TMEM178B: variants seen among roughly 807,000 people sequenced by gnomAD.
TMEM178B encodes transmembrane protein 178B.
In TMEM178B, 5 loss-of-function variants were observed where a neutral mutation model predicts 31.0. The observed-to-expected ratio is 0.16, with a 90% CI of 0.08 to 0.34. The LOEUF is 0.34. Among genes scored for constraint, TMEM178B ranks in the 10% least tolerant of loss-of-function variants. The probability of loss-of-function intolerance (pLI) is 1.00; values close to 1 mark genes in which losing one functional copy is unlikely to be tolerated. For missense variants in TMEM178B, 275 were observed against 400.3 expected (o/e 0.69, Z 2.67); for synonymous variants, 164 against 164.0 (o/e 1.00, Z 0.00).
chr7:141,090,739 T>C (rs1794868090), intron 1 of TMEM178B, among the ~76,000 whole-genome samples: 1 of 152,160 alleles, frequency 6.6e-6, no homozygotes, highest in Admixed American at 6.5e-5. Flanking sequence ...CATAGGGGGA[T>C]TCAGGGACAG....
chr7:141,498,212 A>G, the TMEM178B span, among the ~76,000 whole-genome samples: 1 of 152,238 alleles, frequency 6.6e-6, no homozygotes, highest in African/African-American at 2.4e-5. Context: ...GGAAACAAGA[A>G]CATGGATATC....
chr7:141,203,115 A>G (rs1268126532), intron 1 of TMEM178B, among the ~76,000 whole-genome samples: 2 of 152,264 alleles, frequency 1.3e-5, no homozygotes, highest in African/African-American at 2.4e-5. Context: ...AATGTGCTAA[A>G]GAAAAATCTC....
chr7:141,448,897 G>A (rs758229937), intron 3 of TMEM178B, among the ~76,000 whole-genome samples: 1 of 152,144 alleles, frequency 6.6e-6, no homozygotes, highest in Non-Finnish European at 1.5e-5. Context: ...CCATACCACG[G>A]ACAGACAAGC....
chr7:141,421,937 GT>G (rs1266975093), intron 2 of TMEM178B, among the ~76,000 whole-genome samples: 1 of 151,782 alleles, frequency 6.6e-6, no homozygotes, highest in African/African-American at 2.4e-5. Context: ...AGATTTGGGG[GT>G]AAACTGTCAC....
chr7:141,094,797 C>G (rs1794931858), intron 1 of TMEM178B, among the ~76,000 whole-genome samples: 1 of 152,134 alleles, frequency 6.6e-6, no homozygotes. Context: ...TGAGATAAAG[C>G]TGCTTTATTT....
chr7:141,218,907 C>T (rs1384016809), intron 2 of TMEM178B, among the ~76,000 whole-genome samples: 4 of 152,220 alleles, frequency 2.6e-5, no homozygotes, highest in Non-Finnish European at 5.9e-5. Flanking sequence ...GTAGAATGGC[C>T]ACCTTCTGAA....
Position 141,148,458 on chromosome 7 carries a change from G to A in TMEM178B, c.383-64133G>A, listed in dbSNP as rs559558452. ...AGAGGAAGAAGAGTGTGCAAAGTAGGCAGGGAAGTTATAGTTAGAGGAGCC... is the reference window on the plus strand; with the variant it reads ...AGAGGAAGAAGAGTGTGCAAAGTAGACAGGGAAGTTATAGTTAGAGGAGCC... On this transcript the variant is annotated intron_variant, in intron 1 of 3. Transcript: ENST00000565468. Among the ~76,000 whole-genome samples the A allele has an allele frequency of 5.9e-5, 9 of 152,260 alleles. No individual in the cohort carries two copies. In the South Asian group the frequency reaches 1.5e-3, roughly 25 times the overall value.
chr7:141,082,581 C>T (rs1397844319), intron 1 of TMEM178B, among the ~76,000 whole-genome samples: 1 of 152,240 alleles, frequency 6.6e-6, no homozygotes, highest in Non-Finnish European at 1.5e-5. Context: ...CATCCTAAAA[C>T]TCAACTAACC....
chr7:141,127,052 C>A (rs1211627154), intron 1 of TMEM178B, among the ~76,000 whole-genome samples: 2 of 152,066 alleles, frequency 1.3e-5, no homozygotes, highest in Non-Finnish European at 1.5e-5. Flanking sequence ...GCAGTGAATA[C>A]CAGGAAAAGC....
chr7:141,400,135 A>G (rs1176576444), intron 2 of TMEM178B, among the ~76,000 whole-genome samples: 5 of 152,174 alleles, frequency 3.3e-5, no homozygotes, highest in Non-Finnish European at 7.3e-5. Flanking sequence ...CACTGCAGGG[A>G]TTCTTCTAGT....
At chr7:141,481,089 C>A (rs964956156), downstream of TMEM178B, among the ~76,000 whole-genome samples, 1 of 152,264 alleles carries the variant, frequency 6.6e-6, no homozygotes, top group East Asian at 1.9e-4. Flanking sequence ...CTGCAGTCAC[C>A]GCTGCTGGAC....
the TMEM178B span, among the ~76,000 whole-genome samples, chr7:141,485,576 C>T: frequency 6.6e-6 from 1 of 152,250 alleles, no homozygotes; most frequent in East Asian, 1.9e-4. Flanking sequence ...TGTCAATGGC[C>T]TGTGCAAAGT....
At position 141,478,974 on chromosome 7, in the gene TMEM178B, G is replaced by A. The variant is rs1260533751; in HGVS notation, c.*8188G>A. ...TGTCGAGGCTGCTGTCTCAGCCTCT[G>A]GAAGTTCTGCTTCACCTGCTTAGTA... is the stretch of plus-strand genomic sequence containing the variant. On this transcript the variant is annotated 3_prime_UTR_variant, in exon 4 of 4. Coordinates refer to ENST00000565468, the MANE Select transcript of TMEM178B (RefSeq NM_001195278.2). 6.6e-6 allele frequency: 1 copy of A among 152,244 alleles called. No individual in the cohort carries two copies. Among genetic ancestry groups the A allele is most frequent in the Non-Finnish European group, 1.5e-5 (1 of 68,078 alleles). The allele number at this position is 152,244 out of a possible 1,614,324, so 9.4% of individuals were successfully genotyped here. A position where few individuals can be genotyped will look rare whatever the true frequency, so the allele number is the denominator to read the frequency against.
chr7:141,216,315 G>C (rs1256091977), intron 2 of TMEM178B, among the ~76,000 whole-genome samples: 1 of 152,058 alleles, frequency 6.6e-6, no homozygotes, highest in Non-Finnish European at 1.5e-5. Flanking sequence ...CTTATGGTCG[G>C]GTGACTAGCA....
intron 1 of TMEM178B, among the ~76,000 whole-genome samples, chr7:141,110,566 G>A (rs967387641): frequency 6.6e-6 from 1 of 152,168 alleles, no homozygotes; most frequent in African/African-American, 2.4e-5. Context: ...TTCTCCACAT[G>A]TGTCCTCTCC....
intron 2 of TMEM178B, among the ~76,000 whole-genome samples, chr7:141,308,616 T>A (rs769041122): frequency 6.6e-6 from 1 of 152,200 alleles, no homozygotes; most frequent in African/African-American, 2.4e-5. Flanking sequence ...CATGTGGGGC[T>A]GCTTTGGTTG....
intron 2 of TMEM178B, among the ~76,000 whole-genome samples, chr7:141,307,781 G>A (rs947940735): frequency 3.9e-5 from 6 of 152,224 alleles, no homozygotes; most frequent in African/African-American, 1.2e-4. Context: ...GGTAGGGGAA[G>A]CTAACTTCCT....
intron 2 of TMEM178B, among the ~76,000 whole-genome samples, chr7:141,373,556 CT>C (rs1273202472): frequency 2.0e-5 from 3 of 152,330 alleles, no homozygotes; most frequent in African/African-American, 7.2e-5. Context: ...CAGCCAAGGC[CT>C]TTGCCAACTT....
At chr7:141,089,781 G>A (rs547031052) in intron 1 of TMEM178B, among the ~76,000 whole-genome samples, 185 of 151,996 alleles carry the variant, frequency 1.2e-3, no homozygotes, top group Middle Eastern at 6.8e-3. Context: ...AACACCGCAT[G>A]TTCTCACTCA....
Sources: gnomAD v4.1 joint callset for allele counts (sites outside exome capture counted in the v4.1 genomes callset) on GRCh38, gnomAD v4.1.1 for gene constraint, MANE v1.5 for transcripts, NCBI Gene and HGNC (gene_info 2026-07-23, HGNC 2026-07-21) for gene names.